KCNJ3: variants seen among roughly 807,000 people sequenced by gnomAD.
KCNJ3 encodes potassium inwardly rectifying channel subfamily J member 3.
Under a neutral mutation model 39.2 loss-of-function variants are expected in KCNJ3, and 4 were observed. The observed-to-expected ratio is 0.10, with a 90% CI of 0.05 to 0.23. KCNJ3 has a LOEUF of 0.23. Ranked by LOEUF, KCNJ3 falls within the 10% of genes least tolerant of loss-of-function variation. The pLI is 1.00. For synonymous variants in KCNJ3, 230 were observed against 237.4 expected (o/e 0.97, Z 0.29); for missense variants, 276 against 634.9 (o/e 0.43, Z 6.08).
chr2:154,796,116 G>A (rs926977479), intron 2 of KCNJ3, among the ~76,000 whole-genome samples: 5 of 152,046 alleles, frequency 3.3e-5, no homozygotes, highest in African/African-American at 1.2e-4. Context: ...GTGTCTTAAC[G>A]AAGGTTGGGA....
chr2:154,777,038 A>ACACG (rs1686348332), intron 2 of KCNJ3, among the ~76,000 whole-genome samples: 1 of 124,704 alleles, frequency 8.0e-6, no homozygotes, highest in African/African-American at 2.7e-5. Context: ...TCACACGTAC[A>ACACG]CACGCACACA....
At chr2:154,710,029 CTG>C (rs1685075513) in intron 2 of KCNJ3, among the ~76,000 whole-genome samples, 1 of 151,890 alleles carries the variant, frequency 6.6e-6, no homozygotes, top group African/African-American at 2.4e-5. Flanking sequence ...AATATTAACT[CTG>C]GAACACTCAC....
intron 2 of KCNJ3, among the ~76,000 whole-genome samples, chr2:154,761,568 C>T (rs781675195): frequency 1.3e-5 from 2 of 152,168 alleles, no homozygotes; most frequent in Non-Finnish European, 2.9e-5. Context: ...TGGGTCTCTA[C>T]ATCCTAATGT....
intron 2 of KCNJ3, among the ~76,000 whole-genome samples, chr2:154,799,118 CAG>C (rs900458668): frequency 5.3e-5 from 8 of 152,140 alleles, no homozygotes; most frequent in African/African-American, 1.9e-4. Flanking sequence ...AGAAAAGAAA[CAG>C]TAAGTTTTTT....
chr2:154,741,938 A>C (rs1685660566), intron 2 of KCNJ3, among the ~76,000 whole-genome samples: 2 of 151,998 alleles, frequency 1.3e-5, no homozygotes, highest in South Asian at 2.1e-4. Flanking sequence ...GTAGTATTAA[A>C]CACATTCATA....
At chr2:154,751,052 C>T (rs567886590) in intron 2 of KCNJ3, among the ~76,000 whole-genome samples, 1 of 151,930 alleles carries the variant, frequency 6.6e-6, no homozygotes, top group East Asian at 1.9e-4. Context: ...TCGGTGTATA[C>T]TTCTCGGGTG....
At chr2:154,742,234 G>A (rs1685666520) in intron 2 of KCNJ3, among the ~76,000 whole-genome samples, 1 of 151,792 alleles carries the variant, frequency 6.6e-6, no homozygotes, top group South Asian at 2.1e-4. Flanking sequence ...TTTTAAGGCT[G>A]AGTAATATTC....
intron 2 of KCNJ3, among the ~76,000 whole-genome samples, chr2:154,740,189 T>C (rs896070775): frequency 6.6e-6 from 1 of 152,086 alleles, no homozygotes; most frequent in African/African-American, 2.4e-5. Flanking sequence ...AGAGATTTCC[T>C]TATTGTTTTT....
intron 2 of KCNJ3, among the ~76,000 whole-genome samples, chr2:154,786,006 G>A (rs1686523235): frequency 6.6e-6 from 1 of 152,160 alleles, no homozygotes; most frequent in Admixed American, 6.5e-5. Context: ...CTAAATGTCT[G>A]GGCTAATGTT....
chr2:154,780,264 C>T (rs117447614), intron 2 of KCNJ3, among the ~76,000 whole-genome samples: 15 of 152,152 alleles, frequency 9.9e-5, no homozygotes, highest in Non-Finnish European at 2.2e-4. Context: ...TGTGTGTGTA[C>T]ATGCACACTC....
chr2:154,774,728 A>G (rs1165134832), intron 2 of KCNJ3, among the ~76,000 whole-genome samples: 1 of 152,196 alleles, frequency 6.6e-6, no homozygotes, highest in African/African-American at 2.4e-5. Flanking sequence ...GGCAAATGCA[A>G]AGTTACTTTT....
chr2:154,809,578 T>C (rs1003222092), intron 2 of KCNJ3, among the ~76,000 whole-genome samples: 1 of 152,184 alleles, frequency 6.6e-6, no homozygotes, highest in Non-Finnish European at 1.5e-5. Flanking sequence ...TTTAGCACCG[T>C]CTACCACAGA....
chr2:154,702,871 A>G (rs543442416), intron 1 of KCNJ3, among the ~76,000 whole-genome samples: 1 of 150,380 alleles, frequency 6.6e-6, no homozygotes, highest in East Asian at 2.0e-4. Context: ...TATTTTAGTT[A>G]TCTTCTTTTC....
chr2:154,810,029 C>T (rs1049284753), intron 2 of KCNJ3, among the ~76,000 whole-genome samples: 4 of 149,284 alleles, frequency 2.7e-5, no homozygotes, highest in African/African-American at 9.8e-5. Flanking sequence ...GTGCAAGGCA[C>T]TAAATACGGT....
intron 2 of KCNJ3, among the ~76,000 whole-genome samples, chr2:154,742,104 C>G (rs1226013435): frequency 1.3e-5 from 2 of 151,812 alleles, no homozygotes; most frequent in Admixed American, 1.3e-4. Flanking sequence ...TTTAACTACT[C>G]TAAGTACCTC....
intron 2 of KCNJ3, among the ~76,000 whole-genome samples, chr2:154,811,424 C>A (rs1377768266): frequency 1.3e-5 from 2 of 152,048 alleles, no homozygotes; most frequent in African/African-American, 2.4e-5. Context: ...GTAGCTGGGA[C>A]CACAGGTGCG....
At chr2:154,833,947 T>A (rs1476703967) in intron 2 of KCNJ3, among the ~76,000 whole-genome samples, 1 of 152,130 alleles carries the variant, frequency 6.6e-6, no homozygotes, top group African/African-American at 2.4e-5. Context: ...GGCATCTCCA[T>A]GGCTTCCAAG....
intron 2 of KCNJ3, among the ~76,000 whole-genome samples, chr2:154,748,150 GAA>G (rs1372457682): frequency 2.0e-5 from 3 of 151,906 alleles, no homozygotes; most frequent in African/African-American, 7.2e-5. Context: ...TTAATTTTTT[GAA>G]AAGTTATGAA....
At position 154,699,600 on chromosome 2, in the gene KCNJ3, C is replaced by T. The variant is rs1558849530; in HGVS notation, c.702+123C>T. The T allele has an allele frequency of 7.0e-7, 1 of 1,422,426 alleles. No individual in the cohort carries two copies. The highest frequency in any genetic ancestry group is 2.5e-5 in the East Asian group (1 of 40,000). 88.1% of individuals were successfully genotyped at this position (1,422,426 alleles called of 1,614,324 possible). A position where few individuals can be genotyped will look rare whatever the true frequency, so the allele number is the denominator to read the frequency against. On this transcript the variant is annotated intron_variant, in intron 1 of 2. Coordinates refer to ENST00000295101, the MANE Select transcript of KCNJ3 (RefSeq NM_002239.4). This position sits in a 1 kb window ranked among gnomAD's most constrained non-coding sequence, Gnocchi z 6.4. ...CTACCTATAGCCACAGGTAAACTTC[C>T]TTTTGGGGGGTTGGGGGTTGGAGGA...
Sources: allele counts gnomAD v4.1 joint callset (sites outside exome capture counted in the v4.1 genomes callset), GRCh38; gene constraint gnomAD v4.1.1; non-coding constraint Gnocchi (gnomAD v3.1); transcripts MANE v1.5; gene names NCBI Gene and HGNC (gene_info 2026-07-23, HGNC 2026-07-21).